SPTLC3: variants seen among roughly 807,000 people sequenced by gnomAD.
SPTLC3 encodes serine palmitoyltransferase long chain base subunit 3.
Under a neutral mutation model 59.3 loss-of-function variants are expected in SPTLC3, and 36 were observed. That is an observed-to-expected ratio of 0.61 (90% confidence interval 0.47 to 0.80). The LOEUF (loss-of-function observed/expected upper bound fraction) is 0.80. Ranked by LOEUF, SPTLC3 falls within the 30% of genes least tolerant of loss-of-function variation. The pLI is 0.00. For synonymous variants in SPTLC3, 257 were observed against 240.8 expected, an observed-to-expected ratio of 1.07 and a Z score of -0.62; for missense variants, 625 against 685.1, an observed-to-expected ratio of 0.91 and a Z score of 0.98.
intron 7 of SPTLC3, among the ~76,000 whole-genome samples, chr20:13,112,392 C>T (rs985554308): frequency 1.3e-5 from 2 of 152,212 alleles, no homozygotes; most frequent in Non-Finnish European, 2.9e-5. Flanking sequence ...GTGCTGGCTT[C>T]CAACAGAGCA....
At chr20:13,164,286 C>T (rs139810988) in intron 11 of SPTLC3, 248 of 465,560 alleles carry the variant, frequency 5.3e-4, no homozygotes, top group African/African-American at 4.4e-3. Context: ...AGCAGGAGGC[C>T]TGGGGTAGCA....
At chr20:13,136,252 T>C (rs991165872) in intron 9 of SPTLC3, among the ~76,000 whole-genome samples, 3 of 152,150 alleles carry the variant, frequency 2.0e-5, no homozygotes, top group Non-Finnish European at 4.4e-5. Context: ...TAAGATGGAA[T>C]AATGACTTGT....
rs74689860 is a variant in SPTLC3, at chr20:13,115,895, G to A, written c.933-1611G>A. 3.9e-5 allele frequency among the ~76,000 whole-genome samples: 6 copies of A among 152,258 alleles called. No individual in the cohort carries two copies. The East Asian group carries it at 5.8e-4, about 15-fold the overall frequency. ...AGGAAACTGAAGCAGAGAACATCAC[G>A]CAAATTGCCCAAGCTCACAGTTAGT... On this transcript the variant is annotated intron_variant, in intron 7 of 11. Transcript: ENST00000399002.
chr20:13,075,168 G>A (rs1260876093), intron 4 of SPTLC3, among the ~76,000 whole-genome samples: 1 of 151,358 alleles, frequency 6.6e-6, no homozygotes. Context: ...AGGCAACACA[G>A]GTGGTGTTAT....
chr20:13,067,044 CATATATATATATAT>C (rs143918659), intron 2 of SPTLC3, among the ~76,000 whole-genome samples: 7 of 71,132 alleles, frequency 9.8e-5, no homozygotes, highest in East Asian at 1.0e-3. Flanking sequence ...GTCACTTCTA[CATATATATATATAT>C]ATATATATAT....
At chr20:13,060,140 T>C (rs1292641598) in intron 2 of SPTLC3, among the ~76,000 whole-genome samples, 1 of 152,218 alleles carries the variant, frequency 6.6e-6, no homozygotes, top group Non-Finnish European at 1.5e-5. Flanking sequence ...TTTAGCAGTC[T>C]TCCTGAGGAC....
At chr20:13,098,735 C>G (rs146361412) in intron 6 of SPTLC3, among the ~76,000 whole-genome samples, 179 of 152,254 alleles carry the variant, frequency 1.2e-3, no homozygotes, top group African/African-American at 4.0e-3. Context: ...GAGGTAATGG[C>G]CTTCTCTAAT....
intron 4 of SPTLC3, among the ~76,000 whole-genome samples, chr20:13,090,607 C>T (rs1229926857): frequency 6.6e-6 from 1 of 152,116 alleles, no homozygotes; most frequent in African/African-American, 2.4e-5. Flanking sequence ...TGGATCTCCA[C>T]AAAGCAAACA....
intron 1 of SPTLC3, among the ~76,000 whole-genome samples, chr20:13,016,835 C>T (rs1318447389): frequency 6.6e-6 from 1 of 152,100 alleles, no homozygotes; most frequent in African/African-American, 2.4e-5. Flanking sequence ...TTTAACATGT[C>T]TTGAGATCTT....
chr20:13,137,086 T>C (rs79478151), intron 9 of SPTLC3, among the ~76,000 whole-genome samples: 2,838 of 151,818 alleles, frequency 0.019, 54 homozygotes, highest in South Asian at 0.03. Context: ...CCCCAATCAT[T>C]GTGCTGGTAC....
At chr20:13,070,840 G>A (rs1988409323) in intron 2 of SPTLC3, among the ~76,000 whole-genome samples, 1 of 152,074 alleles carries the variant, frequency 6.6e-6, no homozygotes, top group South Asian at 2.1e-4. Context: ...AAGAGTGACA[G>A]CGTGTGCATT....
intron 2 of SPTLC3, among the ~76,000 whole-genome samples, chr20:13,052,153 G>T (rs1987520614): frequency 2.0e-5 from 3 of 152,232 alleles, no homozygotes; most frequent in South Asian, 4.1e-4. Context: ...TTTGATTTCT[G>T]CATTTCCAAC....
intron 1 of SPTLC3, among the ~76,000 whole-genome samples, chr20:13,036,940 C>T (rs1462335385): frequency 6.6e-6 from 1 of 152,114 alleles, no homozygotes; most frequent in Non-Finnish European, 1.5e-5. Flanking sequence ...GTTATTCTCT[C>T]ATAGCAAGTC....
chr20:13,083,107 C>G (rs892535580), intron 4 of SPTLC3, among the ~76,000 whole-genome samples: 1 of 152,190 alleles, frequency 6.6e-6, no homozygotes, highest in African/African-American at 2.4e-5. Context: ...TGTTTCTTCT[C>G]ATAGACAGGA....
chr20:13,091,043 GAA>G (rs1568597319), intron 4 of SPTLC3, 38 bp from the exon 5 acceptor site: 1 of 1,608,262 alleles, frequency 6.2e-7, no homozygotes, highest in Non-Finnish European at 8.5e-7. Context: ...TGGCCTTGTT[GAA>G]AAGAGAAGGC....
rs558640519 is a variant in SPTLC3, at chr20:13,093,021, A to G, written c.733-463A>G. 1.4e-4 allele frequency among the ~76,000 whole-genome samples: 22 copies of G among 152,306 alleles called. No homozygotes were observed. The South Asian group carries it at 4.3e-3, about 30-fold the overall frequency. On this transcript the variant is annotated intron_variant, in intron 5 of 11. Transcript: ENST00000399002. Reference sequence around the variant, plus strand: ...AAGTTTTTGCATACATGGGATGTTAATACAGTGGAAAATAAGAATCAGAAG... The same window carrying G: ...AAGTTTTTGCATACATGGGATGTTAGTACAGTGGAAAATAAGAATCAGAAG...
At chr20:13,147,520 C>T (rs541222274) in intron 9 of SPTLC3, among the ~76,000 whole-genome samples, 2 of 152,246 alleles carry the variant, frequency 1.3e-5, no homozygotes, top group South Asian at 4.2e-4. Context: ...CCCTCTGCCC[C>T]CTTGCCAAGC....
At chr20:13,078,007 T>C (rs1360694640) in intron 4 of SPTLC3, among the ~76,000 whole-genome samples, 7 of 151,478 alleles carry the variant, frequency 4.6e-5, no homozygotes, top group African/African-American at 1.7e-4. Context: ...CAGGTGACAA[T>C]GATTGAGCTA....
chr20:13,083,803 C>T (rs191874367), intron 4 of SPTLC3, among the ~76,000 whole-genome samples: 80 of 152,280 alleles, frequency 5.3e-4, no homozygotes, highest in Admixed American at 9.8e-4. Flanking sequence ...TATGCAGCTC[C>T]CAACATCAGG....
Sources: allele counts gnomAD v4.1 joint callset (sites outside exome capture counted in the v4.1 genomes callset), GRCh38; gene constraint gnomAD v4.1.1; transcripts MANE v1.5; gene names NCBI Gene and HGNC (gene_info 2026-07-23, HGNC 2026-07-21).